Variants in RALGPS1 observed in about 807,000 individuals in gnomAD.
RALGPS1 encodes ras-specific guanine nucleotide-releasing factor RalGPS1.
Under a neutral mutation model 78.8 loss-of-function variants are expected in RALGPS1, and 19 were observed. The ratio of observed to expected loss-of-function variants is 0.24; its 90% confidence interval spans 0.17 to 0.35. The LOEUF (loss-of-function observed/expected upper bound fraction) is 0.35. RALGPS1 is among the 10% of genes least tolerant of loss of function. RALGPS1 has a pLI of 1.00. For missense variants in RALGPS1, 454 were observed against 688.3 expected (o/e 0.66, Z 3.81); for synonymous variants, 228 against 256.3 (o/e 0.89, Z 1.06).
At chr9:126,922,724 A>G (rs950660057) in intron 1 of RALGPS1, among the ~76,000 whole-genome samples, 3 of 152,292 alleles carry the variant, frequency 2.0e-5, no homozygotes, top group African/African-American at 7.2e-5. Flanking sequence ...TGTGCCCACC[A>G]GTGACTCCCT....
chr9:127,152,757 C>T lies in RALGPS1; in HGVS notation c.611-13312C>T, dbSNP rs529688649. Among the ~76,000 whole-genome samples, 6 of 152,274 alleles carry T rather than the reference C, an allele frequency of 3.9e-5. No individual in the cohort carries two copies. The South Asian group carries it at 1.0e-3, about 26-fold the overall frequency. On this transcript the variant is annotated intron_variant, in intron 8 of 18. Transcript: ENST00000259351. ...AAGTCAGGGAAAGCTCTGTGAGGGG[C>T]GGCCTAGTCTCTTCTGGAAGGTTTC...
intron 14 of RALGPS1, among the ~76,000 whole-genome samples, chr9:127,204,648 C>A (rs1446621065): frequency 6.6e-6 from 1 of 152,162 alleles, no homozygotes; most frequent in Non-Finnish European, 1.5e-5. Context: ...CAGACAGTTG[C>A]CCCTCAGAGT....
At chr9:127,025,206 C>G (rs2045862172) in intron 4 of RALGPS1, among the ~76,000 whole-genome samples, 1 of 152,154 alleles carries the variant, frequency 6.6e-6, no homozygotes, top group Non-Finnish European at 1.5e-5. Context: ...TTCGTGTACG[C>G]TGATGTATGC....
At chr9:126,985,994 G>T (rs749007744) in intron 4 of RALGPS1, among the ~76,000 whole-genome samples, 1 of 152,234 alleles carries the variant, frequency 6.6e-6, no homozygotes, top group Non-Finnish European at 1.5e-5. Context: ...TATTACCAGG[G>T]TGTCTTGTTT....
chr9:127,216,849 C>T (rs1210716434), intron 18 of RALGPS1: 23 of 1,425,296 alleles, frequency 1.6e-5, no homozygotes, highest in East Asian at 2.7e-5. Flanking sequence ...CCCTCAGTAG[C>T]TCTGAGGGCC....
At chr9:126,982,928 CTTTT>C (rs71377984) in intron 4 of RALGPS1, among the ~76,000 whole-genome samples, 124 of 34,592 alleles carry the variant, frequency 3.6e-3, no homozygotes, top group African/African-American at 8.7e-3. Flanking sequence ...TCTTCTTCTT[CTTTT>C]TTTTTTTTTT....
At chr9:126,930,764 A>G (rs1355590305) in intron 1 of RALGPS1, among the ~76,000 whole-genome samples, 1 of 152,204 alleles carries the variant, frequency 6.6e-6, no homozygotes, top group African/African-American at 2.4e-5. Context: ...TGGTCAAGAT[A>G]GTTTTTTAAA....
intron 13 of RALGPS1, among the ~76,000 whole-genome samples, chr9:127,196,862 CCTG>C: frequency 6.6e-6 from 1 of 152,226 alleles, no homozygotes; most frequent in East Asian, 1.9e-4. Context: ...CTGTCGTCAT[CCTG>C]CTGGTGGCAT....
At chr9:127,119,421 G>C (rs577792648) in intron 8 of RALGPS1, among the ~76,000 whole-genome samples, 2 of 152,300 alleles carry the variant, frequency 1.3e-5, no homozygotes, top group East Asian at 3.9e-4. Context: ...GAGAAGTTGA[G>C]GTGTCTAAAC....
chr9:127,028,151 G>A (rs558406814), intron 4 of RALGPS1, among the ~76,000 whole-genome samples: 69 of 152,342 alleles, frequency 4.5e-4, no homozygotes, highest in African/African-American at 1.6e-3. Flanking sequence ...ATGGCAGCCC[G>A]ATTCCTGGGC....
chr9:126,916,296 G>A lies in RALGPS1; in HGVS notation c.-66+1321G>A, dbSNP rs142092814. On this transcript the variant is annotated intron_variant, in intron 1 of 18. Coordinates refer to ENST00000259351, the MANE Select transcript of RALGPS1 (RefSeq NM_014636.3). ...CTCAGCCGTGTCTTGGATCGTGACT[G>A]CTTCTCTCTGCGAGGCCTCTGAGGG... Among the ~76,000 whole-genome samples, 56 of 152,326 alleles carry A rather than the reference G, an allele frequency of 3.7e-4. No individual in the cohort carries two copies. In the East Asian group the frequency reaches 6.6e-3, roughly 18 times the overall value.
At chr9:127,137,007 CAG>C (rs1269624935) in intron 8 of RALGPS1, among the ~76,000 whole-genome samples, 1 of 152,190 alleles carries the variant, frequency 6.6e-6, no homozygotes, top group Non-Finnish European at 1.5e-5. Flanking sequence ...TGACCCATGT[CAG>C]AGATTTTAAC....
At chr9:127,000,534 C>CTTTTTTTTTTTTTTTTTTTTTT (rs1163116649) in intron 4 of RALGPS1, among the ~76,000 whole-genome samples, 4 of 33,308 alleles carry the variant, frequency 1.2e-4, no homozygotes, top group African/African-American at 1.9e-4. Context: ...CTTGTCTTGT[C>CTTTTTTTTTTTTTTTTTTTTTT]TTTTTTTTTT....
At chr9:127,023,107 C>T (rs754307191) in intron 4 of RALGPS1, among the ~76,000 whole-genome samples, 6 of 152,148 alleles carry the variant, frequency 3.9e-5, no homozygotes, top group East Asian at 1.9e-4. Context: ...ACACCATCAT[C>T]ATCATCATCA....
At position 127,129,338 on chromosome 9, in the gene RALGPS1, A is replaced by G. The variant is rs549782876; in HGVS notation, c.611-36731A>G. ...CTGTTTAAAATAATTCCCATCCAAT[A>G]TAAATTTTTTAAAAATATTGTCACT... On this transcript the variant is annotated intron_variant, in intron 8 of 18. Coordinates refer to ENST00000259351, the MANE Select transcript of RALGPS1 (RefSeq NM_014636.3). 5.9e-5 allele frequency among the ~76,000 whole-genome samples: 9 copies of G among 152,314 alleles called. No homozygotes were observed. In the Middle Eastern group the frequency reaches 0.01, roughly 173 times the overall value.
chr9:127,211,144 TGA>T lies in RALGPS1; in HGVS notation c.1248-981_1248-980del, dbSNP rs1258367365. Among the ~76,000 whole-genome samples the T allele has an allele frequency of 6.6e-6, 1 of 151,964 alleles. No individual in the cohort carries two copies. The highest frequency in any genetic ancestry group is 1.5e-5 in the Non-Finnish European group (1 of 67,982). On this transcript the variant is annotated intron_variant, in intron 14 of 18. Coordinates refer to ENST00000259351, the MANE Select transcript of RALGPS1 (RefSeq NM_014636.3). The surrounding 1 kb of genome is among the most constrained non-coding windows in gnomAD (Gnocchi z 5.0). ...GAAGGGAAGGGAGTGTTGGAAGGAA[TGA>T]GAGAGGGCAGGGACATGAGATGAGC...
chr9:127,145,100 T>C (rs563486872), intron 8 of RALGPS1, among the ~76,000 whole-genome samples: 82 of 152,266 alleles, frequency 5.4e-4, no homozygotes, highest in African/African-American at 2.0e-3. Context: ...AGATAAGAAA[T>C]AGAGCTGCTG....
chr9:127,179,088 C>T (rs1276193263), intron 11 of RALGPS1, among the ~76,000 whole-genome samples: 3 of 152,210 alleles, frequency 2.0e-5, no homozygotes, highest in African/African-American at 4.8e-5. Flanking sequence ...ACTGCTGACT[C>T]GGCACAGCCT....
At chr9:126,951,510 C>T (rs984193703) in intron 1 of RALGPS1, among the ~76,000 whole-genome samples, 23 of 151,120 alleles carry the variant, frequency 1.5e-4, no homozygotes, top group African/African-American at 5.6e-4. Context: ...AAGGCTGGTT[C>T]AATATATGCA....
Sources: gnomAD v4.1 joint callset for allele counts (sites outside exome capture counted in the v4.1 genomes callset) on GRCh38, gnomAD v4.1.1 for gene constraint, Gnocchi (gnomAD v3.1) non-coding constraint, MANE v1.5 for transcripts, NCBI Gene and HGNC (gene_info 2026-07-23, HGNC 2026-07-21) for gene names.